ATP6V1B2: variants seen among roughly 807,000 people sequenced by gnomAD.
ATP6V1B2 encodes the protein ATPase H+ transporting V1 subunit B2.
A neutral mutation model predicts 66.7 loss-of-function variants in ATP6V1B2; 23 were observed. That is an observed-to-expected ratio of 0.34 (90% CI 0.25 to 0.49). The LOEUF (loss-of-function observed/expected upper bound fraction) is 0.49. Ranked by LOEUF, ATP6V1B2 falls within the 20% of genes least tolerant of loss-of-function variation. ATP6V1B2 has a pLI of 0.99. For missense variants in ATP6V1B2, 478 were observed against 650.8 expected, an observed-to-expected ratio of 0.73 and a Z score of 2.89; for synonymous variants, 278 against 236.7, an observed-to-expected ratio of 1.17 and a Z score of -1.60.
At chr8:20,213,025 G>T in intron 9 of ATP6V1B2, 120 bp downstream of exon 9, 3 of 1,339,750 alleles carry the variant, frequency 2.2e-6, no homozygotes, top group Non-Finnish European at 1.0e-6. Flanking sequence ...TATATTAATA[G>T]AATGCCTTAA....
At chr8:20,211,958 TTG>T in intron 7 of ATP6V1B2, 142 bp from the exon 8 acceptor site, 1 of 855,502 alleles carries the variant, frequency 1.2e-6, no homozygotes, top group Non-Finnish European at 1.8e-6. Flanking sequence ...AACCGGCTCT[TTG>T]TTCTGTTGGT....
In ATP6V1B2 at chr8:20,209,417, AT is replaced by A; in HGVS notation, c.193-9del. On this transcript the variant is annotated splice_polypyrimidine_tract_variant and intron_variant, in intron 2 of 13. Transcript: ENST00000276390. ...GTAAAATGTCGGATATTGATCCTTT[AT>A]TTTTTTCTCTTTAGTTTCCCAGGTA... 6.2e-7 allele frequency: 1 copy of A among 1,611,420 alleles called. No individual in the cohort carries two copies. The highest frequency in any genetic ancestry group is 8.5e-7 in the Non-Finnish European group (1 of 1,177,888).
intron 6 of ATP6V1B2, 124 bp downstream of exon 6, chr8:20,211,440 T>A: frequency 2.2e-6 from 3 of 1,379,390 alleles, no homozygotes; most frequent in Non-Finnish European, 2.9e-6. Context: ...GTTTGTATAA[T>A]CCAGTTACCT....
rs2072875574 is a variant in ATP6V1B2 at position 20,218,383 on chromosome 8, T to C, written c.1396+101T>C. 42 of 1,458,730 alleles carry C rather than the reference T, an allele frequency of 2.9e-5. No homozygotes were observed. In the South Asian group the frequency reaches 5.8e-4, roughly 20 times the overall value. The allele number at this position is 1,458,730 out of a possible 1,614,324, so 90.4% of individuals were successfully genotyped here. ...ATTCTCATTGGTTTCTATATAGTTA[T>C]TTCTCTGGTTAGAGAAGAGGCTCTG... On this transcript the variant is annotated intron_variant, in intron 13 of 13. Transcript: ENST00000276390.
intron 13 of ATP6V1B2, among the ~76,000 whole-genome samples, chr8:20,220,029 C>T (rs967819148): frequency 2.0e-5 from 3 of 152,168 alleles, no homozygotes; most frequent in African/African-American, 7.2e-5. Context: ...CATCCTCTCC[C>T]GCAAGACTGC....
chr8:20,211,014 T>G (rs1360083114), intron 5 of ATP6V1B2, among the ~76,000 whole-genome samples, 163 bp from the exon 6 acceptor site: 1 of 152,064 alleles, frequency 6.6e-6, no homozygotes, highest in African/African-American at 2.4e-5. Flanking sequence ...TATTTCAAGT[T>G]TCATATTTGA....
chr8:20,203,230 A>G (rs2072704845), intron 1 of ATP6V1B2, among the ~76,000 whole-genome samples: 1 of 152,210 alleles, frequency 6.6e-6, no homozygotes, highest in Non-Finnish European at 1.5e-5. Context: ...CTATTGAGAC[A>G]GTTGCAGTAC....
At chr8:20,211,515 T>TA in intron 6 of ATP6V1B2, 137 bp from the exon 7 acceptor site, 1 of 1,273,322 alleles carries the variant, frequency 7.9e-7, no homozygotes. Flanking sequence ...AAGTACAAAA[T>TA]AGTTTTGTTG....
intron 12 of ATP6V1B2, 87 bp from the exon 13 acceptor site, chr8:20,218,066 A>C (rs2072872475): frequency 6.9e-7 from 1 of 1,454,262 alleles, no homozygotes; most frequent in South Asian, 1.5e-5. Flanking sequence ...TCTTGTGAGG[A>C]GAACTAGAGC....
chr8:20,203,477 C>T (rs565248085), intron 1 of ATP6V1B2, among the ~76,000 whole-genome samples: 1 of 152,306 alleles, frequency 6.6e-6, no homozygotes, highest in East Asian at 1.9e-4. Flanking sequence ...CCAGGAATCT[C>T]TGTGCAAGCT....
chr8:20,198,156 A>G (rs1053789955), intron 1 of ATP6V1B2, among the ~76,000 whole-genome samples: 8 of 152,182 alleles, frequency 5.3e-5, no homozygotes, highest in Non-Finnish European at 1.0e-4. Context: ...ATCCAGTCCA[A>G]CCCTATCATT....
Position 20,203,725 on chromosome 8 carries a change from G to GA in ATP6V1B2, c.137-758dup, listed in dbSNP as rs2072709553. On this transcript the variant is annotated intron_variant, in intron 1 of 13. Transcript: ENST00000276390. Reference sequence around the variant, plus strand: ...CACTTGCCATGCAGGTGTGATAGGTGAGGGCTTTGGGTAGGACCTGCTGGG... The same window carrying GA: ...CACTTGCCATGCAGGTGTGATAGGTGAAGGGCTTTGGGTAGGACCTGCTGGG... Among the ~76,000 whole-genome samples, 3 of 152,268 alleles carry GA rather than the reference G, an allele frequency of 2.0e-5. No homozygotes were observed. In the South Asian group the frequency reaches 6.2e-4, roughly 32 times the overall value.
rs150231292 is a variant in ATP6V1B2, at chr8:20,209,338, A to G, written c.193-95A>G. ...GTGTCTGTGAAGAGTAGAGGGTTCC[A>G]TATTCAGACACAACATGGGAGAGAC... is the stretch of plus-strand genomic sequence containing the variant. On this transcript the variant is annotated intron_variant, in intron 2 of 13. Transcript: ENST00000276390. The G allele has an allele frequency of 1.7e-4, 214 of 1,228,672 alleles. No individual in the cohort carries two copies. The East Asian group carries it at 5.2e-3, about 30-fold the overall frequency. The allele number at this position is 1,228,672 out of a possible 1,614,324, so 76.1% of individuals were successfully genotyped here. A position where few individuals can be genotyped will look rare whatever the true frequency, so the allele number is the denominator to read the frequency against.
At chr8:20,214,753 A>C (rs2072834064) in intron 9 of ATP6V1B2, 65 bp from the exon 10 acceptor site, 1 of 1,477,488 alleles carries the variant, frequency 6.8e-7, no homozygotes, top group African/African-American at 1.4e-5. Flanking sequence ...TGTTGAAACA[A>C]ACATGTTGTA....
At chr8:20,204,090 A>G in intron 1 of ATP6V1B2, 1 of 443,464 alleles carries the variant, frequency 2.3e-6, no homozygotes, top group South Asian at 1.6e-5. Flanking sequence ...TGAGGTGAGA[A>G]CTATTCCCCT....
chr8:20,212,238 G>C (rs372562556), intron 8 of ATP6V1B2, 39 bp downstream of exon 8: 13 of 1,583,948 alleles, frequency 8.2e-6, no homozygotes, highest in Middle Eastern at 1.7e-4. Context: ...GCCCAGACTC[G>C]GGATCAAAAG....
chr8:20,205,555 G>C (rs2072730361), intron 2 of ATP6V1B2, among the ~76,000 whole-genome samples: 1 of 152,192 alleles, frequency 6.6e-6, no homozygotes, highest in African/African-American at 2.4e-5. Context: ...TTGGGTTGTA[G>C]TTATAGGTGA....
intron 11 of ATP6V1B2, 106 bp downstream of exon 11, chr8:20,216,601 C>T (rs369335290): frequency 9.8e-7 from 1 of 1,017,194 alleles, no homozygotes; most frequent in Admixed American, 2.5e-5. Flanking sequence ...AAAGTATCAA[C>T]TTGAATTGTT....
At chr8:20,199,709 C>G (rs1309002825) in intron 1 of ATP6V1B2, among the ~76,000 whole-genome samples, 3 of 144,970 alleles carry the variant, frequency 2.1e-5, no homozygotes, top group Non-Finnish European at 4.5e-5. Context: ...CTTCCAGATT[C>G]GAGCAATTCT....
Sources: gnomAD v4.1 joint callset for allele counts (sites outside exome capture counted in the v4.1 genomes callset) on GRCh38, gnomAD v4.1.1 for gene constraint, MANE v1.5 for transcripts, NCBI Gene and HGNC (gene_info 2026-07-23, HGNC 2026-07-21) for gene names.